MROH1: variants seen among roughly 807,000 people sequenced by gnomAD.
MROH1 encodes maestro heat-like repeat-containing protein family member 1.
Under a neutral mutation model 116.5 loss-of-function variants are expected in MROH1, and 117 were observed. The ratio of observed to expected loss-of-function variants is 1.00; its 90% CI spans 0.86 to 1.17. MROH1 has a LOEUF of 1.17. Among genes scored for constraint, MROH1 ranks in the 50% most tolerant of loss-of-function variants. The pLI is 0.00. For synonymous variants in MROH1, 921 were observed against 583.9 expected (o/e 1.58, Z -8.32); for missense variants, 1,873 against 1,338.5 (o/e 1.40, Z -6.23).
rs575909288 is a variant in MROH1, at chr8:144,197,051, C to T, written c.949-2071C>T. ...CGGAGGTTGCAGTGAGCCGAGATCG[C>T]GCCATTGCACTCCAGCCTGGGAAAC... is the stretch of plus-strand genomic sequence containing the variant. On this transcript the variant is annotated intron_variant, in intron 10 of 43. Transcript: ENST00000326134. Among the ~76,000 whole-genome samples, 8 of 152,152 alleles carry T rather than the reference C, an allele frequency of 5.3e-5. No individual in the cohort carries two copies. The East Asian group carries it at 5.8e-4, about 11-fold the overall frequency.
intron 17 of MROH1, 90 bp from the exon 18 acceptor site, chr8:144,239,524 C>G (rs1840617203): frequency 1.3e-6 from 1 of 757,808 alleles, no homozygotes; most frequent in East Asian, 2.5e-5. Context: ...AGCCAGGCTC[C>G]CCGTCGGGTG....
chr8:144,191,626 C>T, intron 8 of MROH1, 89 bp from the exon 9 acceptor site: 1 of 1,513,792 alleles, frequency 6.6e-7, no homozygotes, highest in Non-Finnish European at 8.9e-7. Context: ...AGTGTTCGTT[C>T]ACGTCCGTCA....
Position 144,255,676 on chromosome 8 carries a change from C to A in MROH1, c.3762C>A (p.Ala1254=). Reference sequence around the variant, plus strand: ...AGGAAAGGAGGGGTGCCAGTCCAGCCCTAGCCACCAGGAACCTGGAACCCT... The same window carrying A: ...AGGAAAGGAGGGGTGCCAGTCCAGCACTAGCCACCAGGAACCTGGAACCCT... ...QAQERRGASP[A]LATRNLEPCS... The change falls in exon 35 of 44, where the codon GCC becomes GCA. Residue 1254 remains alanine, a synonymous_variant. Coordinates refer to ENST00000326134, the MANE Select transcript of MROH1 (RefSeq NM_032450.3). The A allele has an allele frequency of 1.3e-6, 1 of 765,048 alleles. No homozygotes were observed. Among genetic ancestry groups the A allele is most frequent in the Non-Finnish European group, 2.4e-6 (1 of 411,344 alleles). 47.4% of individuals were successfully genotyped at this position (765,048 alleles called of 1,614,324 possible). A position where few individuals can be genotyped will look rare whatever the true frequency, so the allele number is the denominator to read the frequency against.
intron 3 of MROH1, among the ~76,000 whole-genome samples, chr8:144,166,544 C>T (rs1820878231): frequency 6.6e-6 from 1 of 152,150 alleles, no homozygotes; most frequent in South Asian, 2.1e-4. Flanking sequence ...GTCCCTGCTC[C>T]CTAGAGCTCT....
At chr8:144,234,497 C>CTTTTTTTT (rs1554823930) in intron 14 of MROH1, among the ~76,000 whole-genome samples, 4 of 20,656 alleles carry the variant, frequency 1.9e-4, no homozygotes, top group Non-Finnish European at 2.2e-4. Flanking sequence ...CTTTCTTTTT[C>CTTTTTTTT]GTTTTTTTTT....
chr8:144,219,472 T>A (rs1440863803), intron 12 of MROH1, among the ~76,000 whole-genome samples: 1 of 152,180 alleles, frequency 6.6e-6, no homozygotes, highest in Non-Finnish European at 1.5e-5. Flanking sequence ...ACATCTTTTC[T>A]TATTGCCTTC....
chr8:144,256,297 G>A (rs868980924), intron 35 of MROH1, among the ~76,000 whole-genome samples: 15 of 151,860 alleles, frequency 9.9e-5, no homozygotes, highest in South Asian at 2.1e-4. Context: ...CTGCCATGCC[G>A]CACCTGCCCA....
chr8:144,258,753 C>G, intron 35 of MROH1, 24 bp from the exon 36 acceptor site: 1 of 758,652 alleles, frequency 1.3e-6, no homozygotes, highest in Non-Finnish European at 2.4e-6. Flanking sequence ...GCCCTACCAG[C>G]TGAGCACCCT....
intron 14 of MROH1, among the ~76,000 whole-genome samples, chr8:144,228,874 T>C (rs1838298331): frequency 1.3e-5 from 2 of 152,218 alleles, no homozygotes; most frequent in Admixed American, 1.3e-4. Flanking sequence ...TTACCCACAG[T>C]AGATCTTTCA....
chr8:144,185,702 TGGGGGG>T (rs1393497287), intron 7 of MROH1, among the ~76,000 whole-genome samples: 7 of 19,250 alleles, frequency 3.6e-4, no homozygotes, highest in Admixed American at 7.2e-4. Context: ...GCGGGGACCG[TGGGGGG>T]AGGGGGAGGG....
intron 12 of MROH1, among the ~76,000 whole-genome samples, chr8:144,205,077 A>G (rs1832529955): frequency 6.6e-6 from 1 of 152,188 alleles, no homozygotes; most frequent in African/African-American, 2.4e-5. Context: ...TGGGTATGTT[A>G]TGAGGTCCTG....
chr8:144,258,614 C>T (rs1844375261), intron 35 of MROH1, among the ~76,000 whole-genome samples, 163 bp from the exon 36 acceptor site: 1 of 152,198 alleles, frequency 6.6e-6, no homozygotes, highest in Admixed American at 6.5e-5. Flanking sequence ...AATGGGGGGC[C>T]TCTAGCAGAT....
chr8:144,235,017 C>T (rs1355452931), intron 14 of MROH1, among the ~76,000 whole-genome samples: 5 of 151,116 alleles, frequency 3.3e-5, no homozygotes, highest in African/African-American at 9.8e-5. Context: ...CTCAGCCTCC[C>T]GCGTAGCTGG....
chr8:144,187,140 G>GGTT (rs1321992394), intron 7 of MROH1, among the ~76,000 whole-genome samples: 1 of 152,014 alleles, frequency 6.6e-6, no homozygotes, highest in Admixed American at 6.6e-5. Flanking sequence ...GCCGGGCATG[G>GGTT]TGGCCTACGC....
chr8:144,173,758 A>C (rs1316196061), intron 4 of MROH1, among the ~76,000 whole-genome samples: 1 of 152,144 alleles, frequency 6.6e-6, no homozygotes, highest in Non-Finnish European at 1.5e-5. Flanking sequence ...TGCAAGCCCT[A>C]GCGATGCCCC....
intron 33 of MROH1, chr8:144,251,885 T>TGGTG (rs1842894490): frequency 5.7e-6 from 1 of 176,102 alleles, no homozygotes; most frequent in African/African-American, 2.4e-5. Context: ...TTGTGCTGTG[T>TGGTG]GGTGGGTCTT....
intron 4 of MROH1, among the ~76,000 whole-genome samples, chr8:144,169,437 A>G (rs1419254923): frequency 7.1e-6 from 1 of 140,436 alleles, no homozygotes; most frequent in Non-Finnish European, 1.5e-5. Flanking sequence ...TTTTTAATAA[A>G]TTTATTTATT....
At chr8:144,246,565 C>G (rs1841957470) in intron 29 of MROH1, among the ~76,000 whole-genome samples, 1 of 152,204 alleles carries the variant, frequency 6.6e-6, no homozygotes, top group South Asian at 2.1e-4. Context: ...GATGCCCAGT[C>G]TAAGAACAAT....
intron 1 of MROH1, among the ~76,000 whole-genome samples, chr8:144,154,067 A>AT (rs1457623731): frequency 7.4e-6 from 1 of 134,430 alleles, no homozygotes; most frequent in Non-Finnish European, 1.5e-5. Flanking sequence ...CCCTATTTTT[A>AT]TTTTTATTTT....
Sources: allele counts gnomAD v4.1 joint callset (sites outside exome capture counted in the v4.1 genomes callset), GRCh38; gene constraint gnomAD v4.1.1; transcripts MANE v1.5; gene names NCBI Gene and HGNC (gene_info 2026-07-23, HGNC 2026-07-21).